CYSTM1: variants seen among roughly 807,000 people sequenced by gnomAD.
CYSTM1 encodes the protein cysteine rich transmembrane module containing 1.
Under a neutral mutation model 13.1 loss-of-function variants are expected in CYSTM1, and 4 were observed. The ratio of observed to expected loss-of-function variants is 0.31; its 90% CI spans 0.15 to 0.70. The LOEUF (loss-of-function observed/expected upper bound fraction) is 0.70. CYSTM1 is among the 30% of genes least tolerant of loss of function. CYSTM1 has a pLI of 0.72. For missense variants in CYSTM1, 96 were observed against 121.6 expected (o/e 0.79, Z 0.99); for synonymous variants, 36 against 42.7 (o/e 0.84, Z 0.62).
chr5:140,202,284 G>A (rs1298582805), intron 2 of CYSTM1: 1 of 152,166 alleles, frequency 6.6e-6, no homozygotes, highest in African/African-American at 2.4e-5. Context: ...TGAAATAAGA[G>A]CAGTGGTACT....
intron 2 of CYSTM1, among the ~76,000 whole-genome samples, chr5:140,215,518 G>A (rs190157991): frequency 9.8e-6 from 1 of 101,746 alleles, no homozygotes; most frequent in African/African-American, 3.3e-5. Context: ...AGAGAAACCT[G>A]GCCACTTTTT....
intron 2 of CYSTM1, chr5:140,202,472 C>T (rs1169507540): frequency 6.6e-6 from 1 of 152,172 alleles, no homozygotes; most frequent in Non-Finnish European, 1.5e-5. Flanking sequence ...TGTTACGTCA[C>T]AAACCACCCC....
chr5:140,202,717 A>T (rs1185505856), intron 2 of CYSTM1: 1 of 152,172 alleles, frequency 6.6e-6, no homozygotes, highest in African/African-American at 2.4e-5. Context: ...GAAAGAAGCC[A>T]TTTGGTTTGG....
At chr5:140,220,823 C>A (rs1764480579) in intron 2 of CYSTM1, among the ~76,000 whole-genome samples, 1 of 152,026 alleles carries the variant, frequency 6.6e-6, no homozygotes, top group Admixed American at 6.6e-5. Flanking sequence ...TGTTTTGTGA[C>A]CATGAGGTGT....
chr5:140,189,295 T>G (rs1764061384), intron 1 of CYSTM1, among the ~76,000 whole-genome samples: 1 of 152,110 alleles, frequency 6.6e-6, no homozygotes, highest in Non-Finnish European at 1.5e-5. Flanking sequence ...GAGATCTGGT[T>G]GTTTAAAAGA....
At chr5:140,208,764 G>T (rs565087858) in intron 2 of CYSTM1, among the ~76,000 whole-genome samples, 1 of 152,108 alleles carries the variant, frequency 6.6e-6, no homozygotes, top group Non-Finnish European at 1.5e-5. Flanking sequence ...TCTTGGCTGG[G>T]TGTGGTGGCT....
chr5:140,218,517 C>G (rs1362161809), intron 2 of CYSTM1, among the ~76,000 whole-genome samples: 1 of 152,162 alleles, frequency 6.6e-6, no homozygotes, highest in African/African-American at 2.4e-5. Flanking sequence ...TAATCTCATC[C>G]CTATTTTACA....
chr5:140,239,326 A>G lies in CYSTM1; in HGVS notation c.188-3979A>G, dbSNP rs1764720839. ...ATGGAAACTGGAGCCCCACTTGCCC[A>G]TTGCCTACCCAGAACCAGGTTTCTG... On this transcript the variant is annotated intron_variant, in intron 2 of 2. Coordinates refer to ENST00000261811, the MANE Select transcript of CYSTM1 (RefSeq NM_032412.4). This position sits in a 1 kb window ranked among gnomAD's most constrained non-coding sequence, Gnocchi z 5.4. Among the ~76,000 whole-genome samples the G allele has an allele frequency of 6.6e-6, 1 of 152,052 alleles. No individual in the cohort carries two copies. Among genetic ancestry groups the G allele is most frequent in the Non-Finnish European group, 1.5e-5 (1 of 67,998 alleles).
At chr5:140,232,026 T>C (rs1581072969) in intron 2 of CYSTM1, among the ~76,000 whole-genome samples, 1 of 152,136 alleles carries the variant, frequency 6.6e-6, no homozygotes, top group Non-Finnish European at 1.5e-5. Flanking sequence ...ATGAATGCAT[T>C]TGAGATATTG....
chr5:140,237,459 A>G (rs959983038), intron 2 of CYSTM1, among the ~76,000 whole-genome samples: 24 of 152,306 alleles, frequency 1.6e-4, no homozygotes, highest in African/African-American at 5.5e-4. Flanking sequence ...CTAATTCACT[A>G]TGTGACCTCA....
At chr5:140,189,953 A>G (rs1488798884) in intron 1 of CYSTM1, among the ~76,000 whole-genome samples, 1 of 152,110 alleles carries the variant, frequency 6.6e-6, no homozygotes, top group Non-Finnish European at 1.5e-5. Context: ...TTTTTAATGT[A>G]TGAGCATGGA....
intron 2 of CYSTM1, among the ~76,000 whole-genome samples, chr5:140,241,064 G>T (rs539786162): frequency 2.9e-4 from 44 of 152,324 alleles, no homozygotes; most frequent in African/African-American, 1.0e-3. Context: ...TGTAGCTGCT[G>T]TTTCTAACCT....
chr5:140,188,238 T>C (rs1764045773), intron 1 of CYSTM1, among the ~76,000 whole-genome samples: 1 of 151,688 alleles, frequency 6.6e-6, no homozygotes, highest in Non-Finnish European at 1.5e-5. Flanking sequence ...AGCTTGCTAA[T>C]TTTTTTGCGG....
intron 1 of CYSTM1, among the ~76,000 whole-genome samples, chr5:140,183,302 C>T (rs1480360747): frequency 1.3e-5 from 2 of 152,166 alleles, no homozygotes; most frequent in African/African-American, 2.4e-5. Flanking sequence ...CCTTTCAATT[C>T]CCCAACTCAC....
intron 2 of CYSTM1, among the ~76,000 whole-genome samples, chr5:140,218,948 A>G (rs1764460326): frequency 6.6e-6 from 1 of 152,204 alleles, no homozygotes. Flanking sequence ...CTACAAGGCC[A>G]ACCTTACTTA....
intron 2 of CYSTM1, among the ~76,000 whole-genome samples, chr5:140,232,259 T>C (rs59280360): frequency 0.019 from 2,894 of 152,304 alleles, 88 homozygotes; most frequent in African/African-American, 0.065. Context: ...AGTGGAGCTG[T>C]CAGGTAAGCA....
chr5:140,233,102 A>T (rs1764635599), intron 2 of CYSTM1, among the ~76,000 whole-genome samples: 1 of 152,204 alleles, frequency 6.6e-6, no homozygotes, highest in Non-Finnish European at 1.5e-5. Context: ...TGGAAAATAG[A>T]TACTATAGAA....
intron 2 of CYSTM1, among the ~76,000 whole-genome samples, chr5:140,237,293 C>T (rs1406420119): frequency 2.0e-5 from 3 of 152,172 alleles, no homozygotes; most frequent in Non-Finnish European, 4.4e-5. Context: ...AGAACTGGGG[C>T]ACAGAGAATA....
Position 140,204,219 on chromosome 5 carries a change from G to T in CYSTM1, c.187+9567G>T, listed in dbSNP as rs558096489. On this transcript the variant is annotated intron_variant, in intron 2 of 2. Transcript: ENST00000261811. ...CCACACATCTCTACAAATAATAAAA[G>T]AAAATTATCCAGGTGTGGTAGTGCG... 2.6e-5 allele frequency among the ~76,000 whole-genome samples: 4 copies of T among 152,158 alleles called. No individual in the cohort carries two copies. The South Asian group carries it at 8.3e-4, about 32-fold the overall frequency.
Sources: allele counts gnomAD v4.1 joint callset (sites outside exome capture counted in the v4.1 genomes callset), GRCh38; gene constraint gnomAD v4.1.1; non-coding constraint Gnocchi (gnomAD v3.1); transcripts MANE v1.5; gene names NCBI Gene and HGNC (gene_info 2026-07-23, HGNC 2026-07-21).